DOCK3: variants seen among roughly 807,000 people sequenced by gnomAD.
The protein encoded by DOCK3 is dedicator of cytokinesis protein 3.
A neutral mutation model predicts 265.6 loss-of-function variants in DOCK3; 60 were observed. The observed-to-expected ratio is 0.23, with a 90% confidence interval of 0.18 to 0.28. The LOEUF is 0.28. DOCK3 is among the 10% of genes least tolerant of loss of function. The pLI is 1.00. For missense variants in DOCK3, 1,981 were observed against 2,594.3 expected (o/e 0.76, Z 5.14); for synonymous variants, 881 against 938.0 (o/e 0.94, Z 1.11).
At chr3:50,868,041 G>A (rs2047228274) in intron 3 of DOCK3, among the ~76,000 whole-genome samples, 1 of 151,244 alleles carries the variant, frequency 6.6e-6, no homozygotes, top group Admixed American at 6.6e-5. Flanking sequence ...CAGCAGTGAA[G>A]CCATTGGGTC....
chr3:50,926,473 G>C (rs192624144), intron 4 of DOCK3, among the ~76,000 whole-genome samples: 1 of 152,242 alleles, frequency 6.6e-6, no homozygotes, highest in Admixed American at 6.5e-5. Context: ...TCAGTCTCAT[G>C]CTTTTCTCTA....
At chr3:51,104,450 A>G (rs766516776) in intron 9 of DOCK3, among the ~76,000 whole-genome samples, 30 of 152,206 alleles carry the variant, frequency 2.0e-4, no homozygotes, top group Admixed American at 1.1e-3. Flanking sequence ...TGTTCACTGT[A>G]GTAGCCATGT....
rs1038746390 is a variant in DOCK3 at position 50,818,475 on chromosome 3, C to T, written c.122-23200C>T. Among the ~76,000 whole-genome samples the T allele has an allele frequency of 3.3e-5, 5 of 152,228 alleles. 1 individual carries two copies. The highest frequency in any genetic ancestry group is 4.1e-4 in the South Asian group (2 of 4,834). On this transcript the variant is annotated intron_variant, in intron 2 of 52. Transcript: ENST00000266037. Reference sequence around the variant, plus strand: ...CTAGGCAGATGCCTGATGCCTACCACGTGTAAACCCTTGCTGGGCTGGCTC... The same window carrying T: ...CTAGGCAGATGCCTGATGCCTACCATGTGTAAACCCTTGCTGGGCTGGCTC...
intron 27 of DOCK3, among the ~76,000 whole-genome samples, chr3:51,291,032 G>A (rs1259327995): frequency 1.3e-5 from 2 of 152,158 alleles, no homozygotes; most frequent in Admixed American, 6.5e-5. Context: ...AGCCAAGATC[G>A]TGCCACTGCA....
chr3:51,258,825 A>G (rs944602764), intron 22 of DOCK3, among the ~76,000 whole-genome samples: 1 of 152,214 alleles, frequency 6.6e-6, no homozygotes, highest in African/African-American at 2.4e-5. Context: ...CAGACCTGCT[A>G]CCTAGCCATT....
intron 1 of DOCK3, among the ~76,000 whole-genome samples, chr3:50,676,893 C>T (rs765523629): frequency 1.2e-4 from 19 of 152,120 alleles, no homozygotes; most frequent in Non-Finnish European, 2.2e-4. Context: ...GAAATGAGAA[C>T]GTGCTGAATG....
intron 1 of DOCK3, among the ~76,000 whole-genome samples, chr3:50,684,348 A>G (rs1043651034): frequency 5.3e-5 from 8 of 152,222 alleles, no homozygotes; most frequent in South Asian, 2.1e-4. Context: ...TGAATGCTTA[A>G]TTAAGATTCC....
chr3:50,949,771 C>G (rs563462884), intron 5 of DOCK3, among the ~76,000 whole-genome samples: 1 of 152,212 alleles, frequency 6.6e-6, no homozygotes, highest in East Asian at 1.9e-4. Context: ...TTGCCTTCTC[C>G]CATACCCATA....
At chr3:50,830,366 G>A (rs534960827) in intron 2 of DOCK3, among the ~76,000 whole-genome samples, 1 of 152,294 alleles carries the variant, frequency 6.6e-6, no homozygotes, top group East Asian at 1.9e-4. Flanking sequence ...GAATGGAAGA[G>A]AAATTGTGCT....
chr3:51,248,434 A>C (rs2078944769), intron 22 of DOCK3, among the ~76,000 whole-genome samples: 1 of 152,190 alleles, frequency 6.6e-6, no homozygotes, highest in Non-Finnish European at 1.5e-5. Context: ...ACCGCGAGTG[A>C]TCCACCAGCC....
intron 9 of DOCK3, among the ~76,000 whole-genome samples, chr3:51,102,748 G>C (rs2083136579): frequency 6.6e-6 from 1 of 152,026 alleles, no homozygotes; most frequent in African/African-American, 2.4e-5. Context: ...AAGGTTAAAT[G>C]GTATGAGAGA....
In DOCK3 at chr3:51,124,407, C is replaced by CT. The variant is rs572063895; in HGVS notation, c.747-22139dup. Among the ~76,000 whole-genome samples, 236 of 152,212 alleles carry CT rather than the reference C, an allele frequency of 1.6e-3. 2 individuals carry two copies. The highest frequency in any genetic ancestry group is 5.3e-3 in the African/African-American group (222 of 41,542). On this transcript the variant is annotated intron_variant, in intron 9 of 52. Coordinates refer to ENST00000266037, the MANE Select transcript of DOCK3 (RefSeq NM_004947.5). ...GTGGCTAATGTGACTGAGTCTTTAACTTTATTTAATTTTAATATAAATAGC... is the reference window on the plus strand; with the variant it reads ...GTGGCTAATGTGACTGAGTCTTTAACTTTTATTTAATTTTAATATAAATAGC...
intron 14 of DOCK3, among the ~76,000 whole-genome samples, chr3:51,216,645 G>A (rs942758694): frequency 1.3e-5 from 2 of 152,212 alleles, no homozygotes; most frequent in African/African-American, 4.8e-5. Context: ...GTTGTGGGCT[G>A]TTAGCAACTT....
At chr3:50,803,710 C>T (rs569752385) in intron 2 of DOCK3, among the ~76,000 whole-genome samples, 37 of 148,574 alleles carry the variant, frequency 2.5e-4, no homozygotes, top group South Asian at 2.4e-3. Context: ...CTGCCCCCCA[C>T]CTCCCTCCCA....
intron 2 of DOCK3, chr3:50,787,920 C>T: frequency 9.8e-7 from 1 of 1,025,088 alleles, no homozygotes; most frequent in South Asian, 1.3e-5. Context: ...AGGTTTACCT[C>T]CACTATGATC....
chr3:50,727,126 C>T (rs2034352293), intron 1 of DOCK3, among the ~76,000 whole-genome samples: 1 of 152,148 alleles, frequency 6.6e-6, no homozygotes, highest in Admixed American at 6.5e-5. Context: ...AGATTGTAGA[C>T]TTAGGCCAAA....
chr3:51,083,720 T>C (rs1252745593), intron 7 of DOCK3, among the ~76,000 whole-genome samples: 1 of 152,114 alleles, frequency 6.6e-6, no homozygotes, highest in Non-Finnish European at 1.5e-5. Context: ...CAGTGGCTCA[T>C]GACTATAATC....
chr3:50,889,695 A>G (rs905358019), intron 3 of DOCK3, among the ~76,000 whole-genome samples: 6 of 152,114 alleles, frequency 3.9e-5, no homozygotes, highest in African/African-American at 1.4e-4. Context: ...TTTTGGAGAT[A>G]CATGACAAGT....
intron 6 of DOCK3, among the ~76,000 whole-genome samples, chr3:51,068,895 G>T (rs1261192217): frequency 6.6e-6 from 1 of 152,194 alleles, no homozygotes; most frequent in East Asian, 1.9e-4. Context: ...GATAGGAACT[G>T]AACTGGTCCT....
Sources: gnomAD v4.1 joint callset for allele counts (sites outside exome capture counted in the v4.1 genomes callset) on GRCh38, gnomAD v4.1.1 for gene constraint, MANE v1.5 for transcripts, NCBI Gene and HGNC (gene_info 2026-07-23, HGNC 2026-07-21) for gene names.